AZI2: variants seen among roughly 807,000 people sequenced by gnomAD.
The protein encoded by AZI2 is 5-azacytidine-induced protein 2.
In AZI2, 22 loss-of-function variants were observed where a neutral mutation model predicts 45.8. The observed-to-expected ratio is 0.48, with a 90% CI of 0.34 to 0.69. The LOEUF is 0.69. AZI2 is among the 30% of genes least tolerant of loss of function. The probability of loss-of-function intolerance (pLI) is 0.01; values close to 1 mark genes in which losing one functional copy is unlikely to be tolerated. For missense variants in AZI2, 417 were observed against 441.5 expected (o/e 0.94, Z 0.50); for synonymous variants, 137 against 156.7 (o/e 0.87, Z 0.94).
Position 28,340,568 on chromosome 3 carries a change from G to A in AZI2, c.50C>T (p.Ala17Val). The A allele has an allele frequency of 1.2e-6, 2 of 1,612,884 alleles. No homozygotes were observed. Among genetic ancestry groups the A allele is most frequent in the South Asian group, 2.2e-5 (2 of 90,890 alleles). ...DDICILNHEK[A>V]HKRDTVTPVS... is the part of the protein sequence containing the mutation. ...TGGAGTCACTGTATCTCTCTTATGG[G>A]CTTTTTCATGATTCAGAATACAGAT... The change falls in exon 2 of 8, where the codon GCC (alanine) becomes GTC (valine). Residue 17 changes from alanine (A) to valine (V), a missense_variant. By Grantham distance (64) the Ala-to-Val change is moderately conservative (BLOSUM62 0). Transcript: ENST00000479665.
Position 28,323,176 on chromosome 3 carries a change from CTA to C in AZI2, c.*864_*865del, listed in dbSNP as rs1703244298. The C allele has an allele frequency of 6.6e-6, 1 of 151,004 alleles. No homozygotes were observed. Among genetic ancestry groups the C allele is most frequent in the Non-Finnish European group, 1.5e-5 (1 of 67,306 alleles). The allele number at this position is 151,004 out of a possible 1,614,324, so 9.4% of individuals were successfully genotyped here. ...AGAAGCTGCTCTACACAATGTGCAG[CTA>C]GCTGTAGTCTCTTTGAAGAAAATGA... is the stretch of plus-strand genomic sequence containing the variant. On this transcript the variant is annotated 3_prime_UTR_variant, in exon 8 of 8. Transcript: ENST00000479665.
chr3:28,340,448 T>G lies in AZI2; in HGVS notation c.170A>C (p.Lys57Thr). 6.2e-7 allele frequency: 1 copy of G among 1,611,954 alleles called. No homozygotes were observed. The highest frequency in any genetic ancestry group is 8.5e-7 in the Non-Finnish European group (1 of 1,178,512). The stretch of plus-strand genomic sequence containing the variant: ...TCTCTTCTTTAACAAAGAGTTCTCT[T>G]TCTCTGAATCCTTAAGTCGTTTTTT... ...DIKKRLKDSE[K>T]ENSLLKKRIR... The change falls in exon 2 of 8, where the codon AAA becomes ACA. Residue 57 changes from lysine (K) to threonine (T), a missense_variant. By Grantham distance (78) the Lys-to-Thr change is moderately conservative. Transcript: ENST00000479665.
At chr3:28,330,081 G>A (rs886987000) in intron 6 of AZI2, among the ~76,000 whole-genome samples, 1 of 151,200 alleles carries the variant, frequency 6.6e-6, no homozygotes, top group African/African-American at 2.4e-5. Context: ...TAAGTTTACA[G>A]ATGATGAGCA....
chr3:28,323,975 T>A lies in AZI2; in HGVS notation c.*67A>T, dbSNP rs1001966026. 1 of 1,480,030 alleles carries A rather than the reference T, an allele frequency of 6.8e-7. No individual in the cohort carries two copies. Among genetic ancestry groups the A allele is most frequent in the African/African-American group, 1.4e-5 (1 of 70,512 alleles). 91.7% of individuals were successfully genotyped at this position (1,480,030 alleles called of 1,614,324 possible). A position where few individuals can be genotyped will look rare whatever the true frequency, so the allele number is the denominator to read the frequency against. Reference sequence around the variant, plus strand: ...CAAAATCTCCTTTCAGTTTGTTAAATAATTTCTTGGGAGGACCACTGAAAG... The same window carrying A: ...CAAAATCTCCTTTCAGTTTGTTAAAAAATTTCTTGGGAGGACCACTGAAAG... On this transcript the variant is annotated 3_prime_UTR_variant, in exon 8 of 8. Transcript: ENST00000479665.
At chr3:28,339,621 A>C (rs1703931472) in intron 2 of AZI2, among the ~76,000 whole-genome samples, 1 of 152,140 alleles carries the variant, frequency 6.6e-6, no homozygotes, top group African/African-American at 2.4e-5. Flanking sequence ...CCCCATCTTC[A>C]AGTTTTTTTT....
Position 28,332,387 on chromosome 3 carries a change from T to G in AZI2, c.629A>C (p.Gln210Pro), listed in dbSNP as rs1703614964. 1.2e-6 allele frequency: 2 copies of G among 1,608,544 alleles called. No homozygotes were observed. Among genetic ancestry groups the G allele is most frequent in the African/African-American group, 1.3e-5 (1 of 74,628 alleles). The change falls in exon 6 of 8, where the codon CAA becomes CCA. Residue 210 changes from glutamine to proline, a missense_variant. Physicochemically the swap from Gln to Pro is moderately conservative, Grantham distance 76. Coordinates refer to ENST00000479665, the MANE Select transcript of AZI2 (RefSeq NM_022461.5). ...GTCATACCTTGAAATGCTTAGTTTT[T>G]GGAGATCTCTGCTCTTCAGATTGTC... ...QEDNLKSRDLQKLSISSDNMQ... is the reference protein window; with the variant it reads ...QEDNLKSRDLPKLSISSDNMQ...
chr3:28,348,482 G>A (rs1007784598), intron 1 of AZI2, 119 bp downstream of exon 1: 2 of 152,562 alleles, frequency 1.3e-5, no homozygotes, highest in African/African-American at 2.4e-5. Context: ...TCAAAGGAGG[G>A]GGCGCGGGAG....
intron 1 of AZI2, chr3:28,348,312 C>A (rs1704348375): frequency 6.6e-6 from 1 of 151,940 alleles, no homozygotes; most frequent in African/African-American, 2.4e-5. Context: ...AAACTGAAGG[C>A]GCCCCAGTAA....
intron 7 of AZI2, 194 bp from the exon 8 acceptor site, chr3:28,324,648 T>C (rs1703314647): frequency 2.3e-6 from 1 of 438,724 alleles, no homozygotes; most frequent in Non-Finnish European, 3.9e-6. Context: ...AGCAATTTAC[T>C]GTGACTTTAG....
chr3:28,340,859 T>C (rs1047377104), intron 1 of AZI2, among the ~76,000 whole-genome samples: 1 of 152,140 alleles, frequency 6.6e-6, no homozygotes, highest in Admixed American at 6.5e-5. Context: ...TCATAGAGTC[T>C]TAAGAATATT....
chr3:28,325,429 G>A (rs1259443682), intron 7 of AZI2, among the ~76,000 whole-genome samples: 1 of 150,962 alleles, frequency 6.6e-6, no homozygotes, highest in African/African-American at 2.4e-5. Context: ...AACTGGAAGT[G>A]TAGTGTTTGG....
rs1393816285 is a variant in AZI2 at position 28,321,912 on chromosome 3, TATAAA to T, written c.*2125_*2129del. The T allele has an allele frequency of 2.6e-5, 4 of 151,346 alleles. No homozygotes were observed. The highest frequency in any genetic ancestry group is 5.9e-5 in the Non-Finnish European group (4 of 67,502). The allele number at this position is 151,346 out of a possible 1,614,324, so 9.4% of individuals were successfully genotyped here. On this transcript the variant is annotated 3_prime_UTR_variant, in exon 8 of 8. Transcript: ENST00000479665. ...TTTATGGATGTACTGAATTGAACCTTATAAAAAGAAATCTAAAGATTCCAAAGGAA... is the reference window on the plus strand; with the variant it reads ...TTTATGGATGTACTGAATTGAACCTTAAGAAATCTAAAGATTCCAAAGGAA...
Position 28,323,870 on chromosome 3 carries a change from G to T in AZI2, c.*172C>A. ...AGCTAGAGGGTGCTCTTTCATACTA[G>T]AAAACCAACTATGTTGGTTTTTGTA... On this transcript the variant is annotated 3_prime_UTR_variant, in exon 8 of 8. Transcript: ENST00000479665. The T allele has an allele frequency of 1.6e-6, 1 of 640,638 alleles. No homozygotes were observed. The highest frequency in any genetic ancestry group is 2.5e-6 in the Non-Finnish European group (1 of 395,378). 39.7% of individuals were successfully genotyped at this position (640,638 alleles called of 1,614,324 possible).
chr3:28,333,431 C>T (rs1333095803), intron 5 of AZI2, among the ~76,000 whole-genome samples: 1 of 151,670 alleles, frequency 6.6e-6, no homozygotes, highest in African/African-American at 2.4e-5. Context: ...GTCCTTGGAC[C>T]TTGTTTTTTC....
rs145924432 is a variant in AZI2, at chr3:28,322,821, A to C, written c.*1221T>G. ...ATGTATGTATGCTATTCAGTAATAC[A>C]GTAGAAGAGATCTGAGATATTGAGT... On this transcript the variant is annotated 3_prime_UTR_variant, in exon 8 of 8. Coordinates refer to ENST00000479665, the MANE Select transcript of AZI2 (RefSeq NM_022461.5). 2.0e-4 allele frequency: 30 copies of C among 151,410 alleles called. No individual in the cohort carries two copies. In the East Asian group the frequency reaches 5.2e-3, roughly 26 times the overall value. 9.4% of individuals were successfully genotyped at this position (151,410 alleles called of 1,614,324 possible).
intron 2 of AZI2, 91 bp downstream of exon 2, chr3:28,340,311 T>C (rs113326211): frequency 3.4e-6 from 3 of 878,972 alleles, no homozygotes; most frequent in Non-Finnish European, 5.2e-6. Flanking sequence ...AGTACAATCA[T>C]GGAAGACAGG....
chr3:28,347,622 C>T (rs1473459932), intron 1 of AZI2, among the ~76,000 whole-genome samples: 1 of 152,204 alleles, frequency 6.6e-6, no homozygotes, highest in East Asian at 1.9e-4. Context: ...CATTCAGATA[C>T]TGGTGTTCTG....
rs1327189004 is a variant in AZI2, at chr3:28,321,370, C to T, written c.*2672G>A. 1 of 151,420 alleles carries T rather than the reference C, an allele frequency of 6.6e-6. No homozygotes were observed. 9.4% of individuals were successfully genotyped at this position (151,420 alleles called of 1,614,324 possible). ...GATTAAAATCAGAAGTAGCCCACTTCATGTAGAAAATTCACTTATGTACAT... is the reference window on the plus strand; with the variant it reads ...GATTAAAATCAGAAGTAGCCCACTTTATGTAGAAAATTCACTTATGTACAT... On this transcript the variant is annotated 3_prime_UTR_variant, in exon 8 of 8. Transcript: ENST00000479665.
At chr3:28,342,411 T>C (rs1177862267) in intron 1 of AZI2, among the ~76,000 whole-genome samples, 3 of 152,044 alleles carry the variant, frequency 2.0e-5, no homozygotes, top group African/African-American at 7.2e-5. Flanking sequence ...AAGAATAGAC[T>C]ATGCTATCTA....
Sources: allele counts gnomAD v4.1 joint callset (sites outside exome capture counted in the v4.1 genomes callset), GRCh38; gene constraint gnomAD v4.1.1; transcripts MANE v1.5; gene names NCBI Gene and HGNC (gene_info 2026-07-23, HGNC 2026-07-21).